CDH20: variants seen among roughly 807,000 people sequenced by gnomAD.
CDH20 encodes the protein cadherin 20, also known as cadherin-20.
A neutral mutation model predicts 74.2 loss-of-function variants in CDH20; 29 were observed. The ratio of observed to expected loss-of-function variants is 0.39; its 90% CI spans 0.29 to 0.53. CDH20 has a LOEUF of 0.53. Among genes scored for constraint, CDH20 ranks in the 20% least tolerant of loss-of-function variants. CDH20 has a pLI of 0.69. For synonymous variants in CDH20, 469 were observed against 405.4 expected, an observed-to-expected ratio of 1.16 and a Z score of -1.88; for missense variants, 988 against 1,048.3, an observed-to-expected ratio of 0.94 and a Z score of 0.79.
chr18:61,384,609 T>A (rs1354653477), intron 1 of CDH20, among the ~76,000 whole-genome samples: 1 of 152,196 alleles, frequency 6.6e-6, no homozygotes, highest in African/African-American at 2.4e-5. Flanking sequence ...TGATAGGTAA[T>A]TCAAGGAGAT....
chr18:61,358,448 T>C (rs1224904067), intron 1 of CDH20, among the ~76,000 whole-genome samples: 1 of 152,206 alleles, frequency 6.6e-6, no homozygotes, highest in Non-Finnish European at 1.5e-5. Context: ...ATAGCATTTC[T>C]TGATATTTGA....
chr18:61,353,240 C>T lies in CDH20; in HGVS notation c.-153+19413C>T, dbSNP rs1036442649. Among the ~76,000 whole-genome samples the T allele has an allele frequency of 1.3e-5, 2 of 152,194 alleles. No individual in the cohort carries two copies. Among genetic ancestry groups the T allele is most frequent in the African/African-American group, 4.8e-5 (2 of 41,464 alleles). On this transcript the variant is annotated intron_variant, in intron 1 of 11. Coordinates refer to ENST00000262717, the MANE Select transcript of CDH20 (RefSeq NM_031891.4). The surrounding 1 kb of genome is among the most constrained non-coding windows in gnomAD (Gnocchi z 4.6). ...GCATTAGTTTCTCCACCATCTACAT[C>T]CAGATAACTCTCTTGCATGATACAC...
At chr18:61,447,318 A>C (rs981443759) in intron 1 of CDH20, among the ~76,000 whole-genome samples, 2 of 152,222 alleles carry the variant, frequency 1.3e-5, no homozygotes, top group South Asian at 2.1e-4. Context: ...CTGAATTCAC[A>C]ATACTGGAGG....
At chr18:61,472,106 C>T (rs1295564027) in intron 1 of CDH20, among the ~76,000 whole-genome samples, 1 of 152,136 alleles carries the variant, frequency 6.6e-6, no homozygotes, top group African/African-American at 2.4e-5. Flanking sequence ...GGCCAGCATT[C>T]TTTGTCCTTC....
intron 1 of CDH20, among the ~76,000 whole-genome samples, chr18:61,453,259 G>A (rs1007918550): frequency 6.6e-6 from 1 of 152,006 alleles, no homozygotes. Flanking sequence ...GGAACCACAT[G>A]AGGCCTAATC....
intron 1 of CDH20, among the ~76,000 whole-genome samples, chr18:61,400,572 T>C (rs1050864343): frequency 6.6e-6 from 1 of 152,136 alleles, no homozygotes; most frequent in Non-Finnish European, 1.5e-5. Context: ...ATTTCTGTAG[T>C]TGAAAAAGAG....
chr18:61,441,148 C>T (rs977963977), intron 1 of CDH20, among the ~76,000 whole-genome samples: 9 of 152,048 alleles, frequency 5.9e-5, no homozygotes, highest in Non-Finnish European at 1.0e-4. Context: ...GTATAAGCTC[C>T]CTATGATATA....
chr18:61,521,187 TAAAAAAG>T lies in CDH20; in HGVS notation c.1018-6775_1018-6769del, dbSNP rs1912194215. On this transcript the variant is annotated intron_variant, in intron 6 of 11. Coordinates refer to ENST00000262717, the MANE Select transcript of CDH20 (RefSeq NM_031891.4). ...ATAGATAGATTGCTAGCCACACTAATAAAAAAGAAAAGAGAGAAGAATCAAATAGACA... is the reference window on the plus strand; with the variant it reads ...ATAGATAGATTGCTAGCCACACTAATAAAAGAGAGAAGAATCAAATAGACA... Among the ~76,000 whole-genome samples the T allele has an allele frequency of 2.0e-5, 3 of 150,306 alleles. No homozygotes were observed. The South Asian group carries it at 6.3e-4, about 31-fold the overall frequency.
At chr18:61,504,750 C>T (rs958736290) in intron 5 of CDH20, among the ~76,000 whole-genome samples, 1 of 152,112 alleles carries the variant, frequency 6.6e-6, no homozygotes, top group African/African-American at 2.4e-5. Context: ...ACTAGCCAGA[C>T]TGTCAGATGA....
rs759541624 is a variant in CDH20, at chr18:61,490,507, C to G, written c.-47C>G. 3 of 1,586,858 alleles carry G rather than the reference C, an allele frequency of 1.9e-6. No individual in the cohort carries two copies. Among genetic ancestry groups the G allele is most frequent in the South Asian group, 1.1e-5 (1 of 89,404 alleles). On this transcript the variant is annotated 5_prime_UTR_variant, in exon 2 of 12. Coordinates refer to ENST00000262717, the MANE Select transcript of CDH20 (RefSeq NM_031891.4). ...TTTAAATTTGGAAAATACTCAAGTT[C>G]CAGTTGCTTATCATTCTCCTTCATT...
At chr18:61,355,698 TGAAA>T (rs1259633129) in intron 1 of CDH20, among the ~76,000 whole-genome samples, 1 of 152,146 alleles carries the variant, frequency 6.6e-6, no homozygotes, top group Non-Finnish European at 1.5e-5. Flanking sequence ...GTACAGATGC[TGAAA>T]GAATGAAGAA....
At chr18:61,456,372 GT>G (rs2144348913) in intron 1 of CDH20, among the ~76,000 whole-genome samples, 1 of 151,990 alleles carries the variant, frequency 6.6e-6, no homozygotes, top group African/African-American at 2.4e-5. Flanking sequence ...TTTTGTCATT[GT>G]TCCTGGGTAA....
At chr18:61,463,725 C>T (rs1170056381) in intron 1 of CDH20, among the ~76,000 whole-genome samples, 1 of 152,024 alleles carries the variant, frequency 6.6e-6, no homozygotes, top group African/African-American at 2.4e-5. Context: ...AGCAGAAATC[C>T]CATCTGAAGG....
chr18:61,439,172 G>A (rs936086062), intron 1 of CDH20, among the ~76,000 whole-genome samples: 1 of 152,008 alleles, frequency 6.6e-6, no homozygotes, highest in Non-Finnish European at 1.5e-5. Flanking sequence ...CCTGGATGAC[G>A]AGATCAATTG....
intron 6 of CDH20, among the ~76,000 whole-genome samples, chr18:61,512,402 T>C (rs1040890611): frequency 6.6e-6 from 1 of 152,200 alleles, no homozygotes; most frequent in African/African-American, 2.4e-5. Flanking sequence ...AGAATAAAAA[T>C]TCTATATTTC....
chr18:61,371,369 G>T (rs1356842320), intron 1 of CDH20, among the ~76,000 whole-genome samples: 2 of 151,982 alleles, frequency 1.3e-5, no homozygotes, highest in African/African-American at 4.8e-5. Flanking sequence ...ATTGTCCCTT[G>T]TTATAGGTGC....
At chr18:61,425,154 G>A (rs542761243) in intron 1 of CDH20, among the ~76,000 whole-genome samples, 2 of 151,450 alleles carry the variant, frequency 1.3e-5, no homozygotes, top group South Asian at 4.2e-4. Flanking sequence ...ACTTACTGAA[G>A]ATGCAAGACA....
At chr18:61,339,769 G>A (rs566296018) in intron 1 of CDH20, among the ~76,000 whole-genome samples, 1 of 136,626 alleles carries the variant, frequency 7.3e-6, no homozygotes, top group African/African-American at 2.7e-5. Flanking sequence ...CTCACTGCAA[G>A]CTCCGCCTCC....
intron 1 of CDH20, among the ~76,000 whole-genome samples, chr18:61,336,092 G>A (rs1909749700): frequency 6.6e-6 from 1 of 152,162 alleles, no homozygotes; most frequent in Non-Finnish European, 1.5e-5. Flanking sequence ...AGTTGTTAGG[G>A]GAACTGTTAC....
Sources: gnomAD v4.1 joint callset for allele counts (sites outside exome capture counted in the v4.1 genomes callset) on GRCh38, gnomAD v4.1.1 for gene constraint, Gnocchi (gnomAD v3.1) non-coding constraint, MANE v1.5 for transcripts, NCBI Gene and HGNC (gene_info 2026-07-23, HGNC 2026-07-21) for gene names.